GNAO1: variants seen among roughly 807,000 people sequenced by gnomAD.
GNAO1 encodes guanine nucleotide-binding protein G(o) subunit alpha.
For missense variants in GNAO1, 166 were observed against 478.7 expected, an observed-to-expected ratio of 0.35 and a Z score of 6.10; for synonymous variants, 164 against 180.7, an observed-to-expected ratio of 0.91 and a Z score of 0.74.
chr16:56,287,113 C>T (rs1392296976), intron 3 of GNAO1, among the ~76,000 whole-genome samples: 3 of 152,224 alleles, frequency 2.0e-5, no homozygotes, highest in Admixed American at 2.0e-4. Flanking sequence ...CACATGGGTG[C>T]ACAGCCCCCA....
chr16:56,224,620 A>C (rs1374717495), intron 2 of GNAO1, among the ~76,000 whole-genome samples: 1 of 152,160 alleles, frequency 6.6e-6, no homozygotes, highest in Non-Finnish European at 1.5e-5. Context: ...AGCTGTGACT[A>C]CAGCGTGCAT....
intron 3 of GNAO1, among the ~76,000 whole-genome samples, chr16:56,289,084 AC>A (rs2037204614): frequency 6.6e-6 from 1 of 152,104 alleles, no homozygotes; most frequent in East Asian, 1.9e-4. Context: ...AAGTTAGGGC[AC>A]CTGTGTTCAA....
At chr16:56,341,052 A>T in intron 6 of GNAO1, 1 of 1,345,408 alleles carries the variant, frequency 7.4e-7, no homozygotes, top group South Asian at 1.3e-5. Flanking sequence ...AGCCCAGTCC[A>T]CCCTTCCTGT....
chr16:56,351,328 GTC>G lies in GNAO1; in HGVS notation c.724-52_724-51del. ...CCTAATTCTCTCCTTCTCTTTCCCT[GTC>G]TCTGTGTCTCCCTCCCGCTGTCTGT... On this transcript the variant is annotated intron_variant, in intron 6 of 8. Coordinates refer to ENST00000262493, the MANE Select transcript of GNAO1 (RefSeq NM_020988.3). The surrounding 1 kb of genome is among the most constrained non-coding windows in gnomAD (Gnocchi z 6.1). 2 of 1,314,812 alleles carry G rather than the reference GTC, an allele frequency of 1.5e-6. No individual in the cohort carries two copies. Among genetic ancestry groups the G allele is most frequent in the Non-Finnish European group, 2.2e-6 (2 of 918,476 alleles). The allele number at this position is 1,314,812 out of a possible 1,614,324, so 81.4% of individuals were successfully genotyped here. A position where few individuals can be genotyped will look rare whatever the true frequency, so the allele number is the denominator to read the frequency against.
intron 6 of GNAO1, chr16:56,348,283 C>A: frequency 1.4e-6 from 1 of 698,472 alleles, no homozygotes; most frequent in Non-Finnish European, 1.8e-6. Context: ...CCTGCCCCAT[C>A]CTGGTCCCAG....
At chr16:56,262,394 G>A (rs746339170) in intron 2 of GNAO1, among the ~76,000 whole-genome samples, 14 of 152,198 alleles carry the variant, frequency 9.2e-5, no homozygotes, top group Admixed American at 1.3e-4. Context: ...AGGTAACCTG[G>A]GTTTGTAAAA....
rs4784657 is a variant in GNAO1, at chr16:56,334,589, C to T, written c.465-140C>T. On this transcript the variant is annotated intron_variant, in intron 4 of 8. Coordinates refer to ENST00000262493, the MANE Select transcript of GNAO1 (RefSeq NM_020988.3). ...CTCAGTCGCCCCCACTCCCTATGGC[C>T]TGGAATGGAGGTGATGTCTTTTCCA... 92,128 of 865,878 alleles carry T rather than the reference C, an allele frequency of 0.11. 5,696 individuals carry two copies. Among genetic ancestry groups the T allele is most frequent in the Middle Eastern group, 0.12 (530 of 4,284 alleles). The allele number at this position is 865,878 out of a possible 1,614,324, so 53.6% of individuals were successfully genotyped here.
At chr16:56,206,299 G>T (rs947968941) in intron 2 of GNAO1, among the ~76,000 whole-genome samples, 2 of 145,448 alleles carry the variant, frequency 1.4e-5, no homozygotes, top group Non-Finnish European at 3.0e-5. Context: ...CAGCCTGGGC[G>T]ACAGCGTGAG....
intron 6 of GNAO1, chr16:56,344,157 G>C (rs1385346593): frequency 2.1e-6 from 3 of 1,434,598 alleles, no homozygotes; most frequent in African/African-American, 2.9e-5. Context: ...GGGCTGCTGA[G>C]TGCATGCTGC....
chr16:56,228,267 C>T (rs555733229), intron 2 of GNAO1, among the ~76,000 whole-genome samples: 10 of 152,176 alleles, frequency 6.6e-5, no homozygotes, highest in South Asian at 2.1e-4. Context: ...TGGAATAGGC[C>T]GAGACATACC....
chr16:56,229,743 C>T lies in GNAO1; in HGVS notation c.161+37127C>T, dbSNP rs543114858. ...CAGATTAAAAAACAAAACAAAAATGCAAAACCTTGAGGCCCAGAAACTCAA... is the reference window on the plus strand; with the variant it reads ...CAGATTAAAAAACAAAACAAAAATGTAAAACCTTGAGGCCCAGAAACTCAA... On this transcript the variant is annotated intron_variant, in intron 2 of 8. Coordinates refer to ENST00000262493, the MANE Select transcript of GNAO1 (RefSeq NM_020988.3). Among the ~76,000 whole-genome samples, 4 of 152,208 alleles carry T rather than the reference C, an allele frequency of 2.6e-5. No individual in the cohort carries two copies. The South Asian group carries it at 6.2e-4, about 24-fold the overall frequency.
chr16:56,254,910 G>A (rs923469211), intron 2 of GNAO1, among the ~76,000 whole-genome samples: 3 of 151,838 alleles, frequency 2.0e-5, no homozygotes, highest in East Asian at 3.9e-4. Context: ...AATGTTATTT[G>A]AACACAAGAT....
chr16:56,335,153 G>A (rs2037728376), intron 5 of GNAO1, among the ~76,000 whole-genome samples: 1 of 152,194 alleles, frequency 6.6e-6, no homozygotes, highest in African/African-American at 2.4e-5. Flanking sequence ...AGGAGGAGGA[G>A]GTGGGCTACC....
intron 3 of GNAO1, among the ~76,000 whole-genome samples, chr16:56,279,731 A>G (rs1453143212): frequency 2.6e-5 from 4 of 152,214 alleles, no homozygotes; most frequent in Non-Finnish European, 2.9e-5. Flanking sequence ...CCTAAAGTGT[A>G]GTCAGAGTCC....
chr16:56,269,928 A>C (rs2036999450), intron 2 of GNAO1, among the ~76,000 whole-genome samples: 1 of 152,126 alleles, frequency 6.6e-6, no homozygotes, highest in South Asian at 2.1e-4. Context: ...TGGTTCTGTG[A>C]CCATATAAGG....
At chr16:56,276,117 G>A (rs776835586) in intron 3 of GNAO1, 45 bp downstream of exon 3, 2 of 1,553,910 alleles carry the variant, frequency 1.3e-6, no homozygotes, top group South Asian at 2.3e-5. Flanking sequence ...GGTTCTGTCT[G>A]TGTTACCCCA....
At position 56,351,323 on chromosome 16, in the gene GNAO1, T is replaced by G; in HGVS notation, c.724-61T>G. Reference sequence around the variant, plus strand: ...TCAAGCCTAATTCTCTCCTTCTCTTTCCCTGTCTCTGTGTCTCCCTCCCGC... The same window carrying G: ...TCAAGCCTAATTCTCTCCTTCTCTTGCCCTGTCTCTGTGTCTCCCTCCCGC... On this transcript the variant is annotated intron_variant, in intron 6 of 8. Coordinates refer to ENST00000262493, the MANE Select transcript of GNAO1 (RefSeq NM_020988.3). This position sits in a 1 kb window ranked among gnomAD's most constrained non-coding sequence, Gnocchi z 6.1. The G allele has an allele frequency of 8.0e-7, 1 of 1,255,466 alleles. No homozygotes were observed. The highest frequency in any genetic ancestry group is 1.2e-6 in the Non-Finnish European group (1 of 867,822). 77.8% of individuals were successfully genotyped at this position (1,255,466 alleles called of 1,614,324 possible).
intron 3 of GNAO1, among the ~76,000 whole-genome samples, chr16:56,295,180 G>T (rs1327436241): frequency 6.6e-6 from 1 of 152,178 alleles, no homozygotes. Context: ...CCCTTTGCTA[G>T]TTATTTCTAT....
chr16:56,335,158 G>A (rs969727520), intron 5 of GNAO1, among the ~76,000 whole-genome samples: 22 of 152,194 alleles, frequency 1.4e-4, no homozygotes, highest in Admixed American at 6.5e-5. Context: ...GAGGAGGTGG[G>A]CTACCAGGGG....
Sources: allele counts gnomAD v4.1 joint callset (sites outside exome capture counted in the v4.1 genomes callset), GRCh38; gene constraint gnomAD v4.1.1; non-coding constraint Gnocchi (gnomAD v3.1); transcripts MANE v1.5; gene names NCBI Gene and HGNC (gene_info 2026-07-23, HGNC 2026-07-21).